Variants in ABCA9 observed in about 807,000 individuals in gnomAD.
ABCA9 encodes ATP-binding cassette sub-family A member 9.
ABCA9 carries 183 observed loss-of-function variants against 205.3 expected under a neutral mutation model. That is an observed-to-expected ratio of 0.89 (90% CI 0.79 to 1.01). The LOEUF (loss-of-function observed/expected upper bound fraction) is 1.01. Ranked by LOEUF, ABCA9 falls within the 50% of genes least tolerant of loss-of-function variation. The pLI is 0.00. For synonymous variants in ABCA9, 651 were observed against 683.3 expected, an observed-to-expected ratio of 0.95 and a Z score of 0.74; for missense variants, 1,805 against 1,912.4, an observed-to-expected ratio of 0.94 and a Z score of 1.05.
the ABCA9 span, among the ~76,000 whole-genome samples, chr17:69,068,387 G>T: frequency 6.6e-6 from 1 of 152,022 alleles, no homozygotes; most frequent in Non-Finnish European, 1.5e-5. Flanking sequence ...AATCTTTATT[G>T]CTATTTCTAT....
rs565757181 is a variant in ABCA9, at chr17:69,039,944, CAT to C, written c.800+3543_800+3544del. ...AGAAGACACTTATGCAGCCAACAAA[CAT>C]ATGAAAAAAAGCTCATCATCACTAG... On this transcript the variant is annotated intron_variant, in intron 6 of 38. Coordinates refer to ENST00000340001, the MANE Select transcript of ABCA9 (RefSeq NM_080283.4). Among the ~76,000 whole-genome samples the C allele has an allele frequency of 2.9e-3, 444 of 152,234 alleles. 4 individuals carry two copies. The highest frequency in any genetic ancestry group is 0.01 in the African/African-American group (421 of 41,550).
the ABCA9 span, among the ~76,000 whole-genome samples, chr17:69,068,900 G>C: frequency 1.3e-5 from 2 of 152,156 alleles, no homozygotes; most frequent in Non-Finnish European, 2.9e-5. Flanking sequence ...TGGGAGGAGA[G>C]AGCCATGATC....
rs2068855592 is a variant in ABCA9, at chr17:68,974,506, G to GTT, written c.*1407_*1408dup. 6.6e-6 allele frequency: 1 copy of GTT among 152,182 alleles called. No individual in the cohort carries two copies. 9.4% of individuals were successfully genotyped at this position (152,182 alleles called of 1,614,324 possible). A position where few individuals can be genotyped will look rare whatever the true frequency, so the allele number is the denominator to read the frequency against. ...AATATTCTTACGGGTTGATGGAAGT[G>GTT]TTTTATTTTCAAAAACTAGAAGAAT... On this transcript the variant is annotated 3_prime_UTR_variant, in exon 39 of 39. Transcript: ENST00000340001.
chr17:69,063,897 A>C (rs1163021596), upstream of ABCA9, among the ~76,000 whole-genome samples: 3 of 152,146 alleles, frequency 2.0e-5, no homozygotes, highest in Non-Finnish European at 4.4e-5. Flanking sequence ...AAATGTAATA[A>C]ATTCTACTTG....
At chr17:69,045,094 A>G in intron 4 of ABCA9, 78 bp downstream of exon 4, 3 of 1,204,914 alleles carry the variant, frequency 2.5e-6, no homozygotes, top group Non-Finnish European at 3.5e-6. Flanking sequence ...GTGTAGTTTC[A>G]CCTCTGCTAT....
intron 23 of ABCA9, among the ~76,000 whole-genome samples, chr17:69,009,980 T>C (rs977020429): frequency 1.3e-5 from 2 of 152,194 alleles, no homozygotes; most frequent in Non-Finnish European, 2.9e-5. Context: ...TATTAAATCT[T>C]AACTGGGTGT....
At position 68,989,821 on chromosome 17, in the gene ABCA9, A is replaced by T; in HGVS notation, c.3947T>A (p.Val1316Asp). ...KIATRNVSFC[V>D]KKGEVIGLLG... ...GAACTACTGTTTCCAACCTTTTTTA[A>T]CACAAAAAGAGACATTTCTTGTGGC... The change falls in exon 30 of 39, where the codon GTT becomes GAT. Residue 1316 changes from valine (V) to aspartate (D), a missense_variant. Physicochemically the swap from Val to Asp is radical, Grantham distance 152. Coordinates refer to ENST00000340001, the MANE Select transcript of ABCA9 (RefSeq NM_080283.4). The T allele has an allele frequency of 6.4e-7, 1 of 1,573,012 alleles. No homozygotes were observed. The highest frequency in any genetic ancestry group is 8.7e-7 in the Non-Finnish European group (1 of 1,144,808).
chr17:69,068,180 T>C, the ABCA9 span, among the ~76,000 whole-genome samples: 2 of 152,238 alleles, frequency 1.3e-5, no homozygotes, highest in African/African-American at 4.8e-5. Flanking sequence ...CAAACAAAAA[T>C]GTATTTGGTC....
intron 29 of ABCA9, among the ~76,000 whole-genome samples, chr17:68,990,316 T>C (rs2069406254): frequency 6.6e-6 from 1 of 152,244 alleles, no homozygotes; most frequent in African/African-American, 2.4e-5. Flanking sequence ...AATGTTTAGC[T>C]GTACTTATCA....
chr17:68,986,039 G>A (rs762893235), intron 32 of ABCA9, 125 bp downstream of exon 32: 8 of 927,626 alleles, frequency 8.6e-6, no homozygotes, highest in African/African-American at 1.7e-5. Flanking sequence ...CAGAGTTCTA[G>A]ATGACCAAAT....
At chr17:68,976,610 A>G (rs898562763) in intron 37 of ABCA9, among the ~76,000 whole-genome samples, 10 of 152,178 alleles carry the variant, frequency 6.6e-5, no homozygotes, top group African/African-American at 2.2e-4. Context: ...AGGTCAAGGC[A>G]TTTATTCTTT....
chr17:69,021,669 C>G, intron 18 of ABCA9, 73 bp downstream of exon 18: 1 of 990,246 alleles, frequency 1.0e-6, no homozygotes, highest in Non-Finnish European at 1.5e-6. Context: ...AAGATAAAAT[C>G]TTTCTTTCGT....
intron 3 of ABCA9, among the ~76,000 whole-genome samples, chr17:69,047,941 A>G (rs544034642): frequency 6.6e-6 from 1 of 152,140 alleles, no homozygotes; most frequent in Non-Finnish European, 1.5e-5. Context: ...TGTTCCACCC[A>G]TATGGTCTTT....
upstream of ABCA9, chr17:69,061,218 C>A: frequency 2.2e-6 from 2 of 925,536 alleles, no homozygotes; most frequent in African/African-American, 3.5e-5. Context: ...TCGGTCTTTT[C>A]ATACAAGGCC....
intron 4 of ABCA9, 48 bp downstream of exon 4, chr17:69,045,124 G>A: frequency 1.3e-6 from 2 of 1,536,336 alleles, no homozygotes; most frequent in Non-Finnish European, 1.8e-6. Context: ...CCCCTTTGTG[G>A]CTACTGATAC....
intron 32 of ABCA9, 44 bp from the exon 33 acceptor site, chr17:68,985,172 A>C (rs763017395): frequency 1.1e-5 from 17 of 1,589,406 alleles, no homozygotes; most frequent in Non-Finnish European, 1.5e-5. Context: ...ACACTGGCGA[A>C]TGTACATGGG....
intron 25 of ABCA9, among the ~76,000 whole-genome samples, chr17:69,006,620 T>C (rs2070141272): frequency 6.6e-6 from 1 of 152,128 alleles, no homozygotes; most frequent in African/African-American, 2.4e-5. Flanking sequence ...GGAGTAATGA[T>C]TTTTACAAGG....
rs192242683 is a variant in ABCA9, at chr17:68,983,973, G to A, written c.4499+83C>T. 3,674 of 1,602,510 alleles carry A rather than the reference G, an allele frequency of 2.3e-3. 15 individuals carry two copies. The highest frequency in any genetic ancestry group is 2.4e-3 in the Non-Finnish European group (2,783 of 1,172,746). Reference sequence around the variant, plus strand: ...GGAAGCAACCATGCTAGCTCCTCACGATGGGTAGCCTGGTGCAGGGAAATA... The same window carrying A: ...GGAAGCAACCATGCTAGCTCCTCACAATGGGTAGCCTGGTGCAGGGAAATA... On this transcript the variant is annotated intron_variant, in intron 35 of 38. Coordinates refer to ENST00000340001, the MANE Select transcript of ABCA9 (RefSeq NM_080283.4).
chr17:69,043,397 C>G, intron 6 of ABCA9, 92 bp downstream of exon 6: 1 of 1,022,566 alleles, frequency 9.8e-7, no homozygotes, highest in Non-Finnish European at 1.4e-6. Flanking sequence ...AGTCTGTGGC[C>G]TGGGGCTTGG....
Sources: allele counts gnomAD v4.1 joint callset (sites outside exome capture counted in the v4.1 genomes callset), GRCh38; gene constraint gnomAD v4.1.1; transcripts MANE v1.5; gene names NCBI Gene and HGNC (gene_info 2026-07-23, HGNC 2026-07-21).